RIMBP2: variants seen among roughly 807,000 people sequenced by gnomAD.
RIMBP2 encodes RIMS-binding protein 2.
Under a neutral mutation model 118.6 loss-of-function variants are expected in RIMBP2, and 48 were observed. The observed-to-expected ratio is 0.40, with a 90% CI of 0.32 to 0.51. The LOEUF is 0.51. Among genes scored for constraint, RIMBP2 ranks in the 20% least tolerant of loss-of-function variants. The pLI is 0.41. For synonymous variants in RIMBP2, 762 were observed against 742.9 expected (o/e 1.03, Z -0.42); for missense variants, 1,551 against 1,768.3 (o/e 0.88, Z 2.20).
In RIMBP2 at chr12:130,525,400, G is replaced by C. The variant is rs1306670394; in HGVS notation, c.-216-7483C>G. 1.3e-5 allele frequency among the ~76,000 whole-genome samples: 2 copies of C among 152,124 alleles called. No homozygotes were observed. Among genetic ancestry groups the C allele is most frequent in the East Asian group, 3.9e-4 (2 of 5,182 alleles). The stretch of plus-strand genomic sequence containing the variant: ...AAGAGGGAGGAGATGCTTTTTTGCA[G>C]AGTGCTGGGTGAGAAGAGGCGCAGA... On this transcript the variant is annotated intron_variant, in intron 2 of 22. Transcript: ENST00000690449. The surrounding 1 kb of genome is among the most constrained non-coding windows in gnomAD (Gnocchi z 4.4).
chr12:130,672,509 A>G (rs561182287), intron 1 of RIMBP2, among the ~76,000 whole-genome samples: 2 of 152,300 alleles, frequency 1.3e-5, no homozygotes, highest in South Asian at 2.1e-4. Flanking sequence ...GTCTCCCAGA[A>G]CAGTATCTCC....
intron 2 of RIMBP2, among the ~76,000 whole-genome samples, chr12:130,538,197 T>C (rs1224274385): frequency 6.6e-6 from 1 of 152,048 alleles, no homozygotes; most frequent in Admixed American, 6.6e-5. Context: ...TTAGGACATT[T>C]AAAAAATAGA....
chr12:130,701,071 G>T (rs2065833387), intron 1 of RIMBP2, among the ~76,000 whole-genome samples: 1 of 152,226 alleles, frequency 6.6e-6, no homozygotes, highest in African/African-American at 2.4e-5. Context: ...ACACTGAGAA[G>T]GGCTAAAACA....
At chr12:130,692,989 C>A (rs562528759) in intron 1 of RIMBP2, among the ~76,000 whole-genome samples, 3 of 151,938 alleles carry the variant, frequency 2.0e-5, no homozygotes, top group African/African-American at 4.8e-5. Flanking sequence ...AATAGAATGG[C>A]AAACACATTT....
At chr12:130,585,047 GA>G (rs1422048425) in intron 2 of RIMBP2, among the ~76,000 whole-genome samples, 1 of 152,086 alleles carries the variant, frequency 6.6e-6, no homozygotes, top group Non-Finnish European at 1.5e-5. Flanking sequence ...ACCATGCCCA[GA>G]AATTTTTTTT....
chr12:130,536,516 T>C (rs2054099294), intron 2 of RIMBP2, among the ~76,000 whole-genome samples: 1 of 152,152 alleles, frequency 6.6e-6, no homozygotes, highest in South Asian at 2.1e-4. Flanking sequence ...TGCACGATAG[T>C]ATCTAGACTT....
intron 4 of RIMBP2, among the ~76,000 whole-genome samples, chr12:130,484,543 G>A (rs1042792196): frequency 2.6e-5 from 4 of 152,166 alleles, no homozygotes; most frequent in African/African-American, 9.7e-5. Context: ...CCTTCCCCTG[G>A]AACATGAGCA....
At chr12:130,610,660 A>C (rs2060480125) in intron 2 of RIMBP2, among the ~76,000 whole-genome samples, 1 of 138,204 alleles carries the variant, frequency 7.2e-6, no homozygotes. Context: ...TCCCGGGTTC[A>C]CGCCATTCTC....
chr12:130,422,275 A>T lies in RIMBP2; in HGVS notation c.3238+178T>A, dbSNP rs890709036. 5.9e-5 allele frequency among the ~76,000 whole-genome samples: 9 copies of T among 152,356 alleles called. No homozygotes were observed. The South Asian group carries it at 1.5e-3, about 25-fold the overall frequency. ...AGAAGGCCAATTTGATATTTCAAGA[A>T]TACTTACAAATAGCTTTCATTTATC... is the stretch of plus-strand genomic sequence containing the variant. On this transcript the variant is annotated intron_variant, in intron 17 of 22. Transcript: ENST00000690449. This position sits in a 1 kb window ranked among gnomAD's most constrained non-coding sequence, Gnocchi z 5.2.
chr12:130,490,592 A>G (rs1462588672), intron 4 of RIMBP2, among the ~76,000 whole-genome samples: 2 of 152,194 alleles, frequency 1.3e-5, no homozygotes, highest in African/African-American at 2.4e-5. Flanking sequence ...AAGAGTTATA[A>G]CATCACGGGG....
chr12:130,571,507 C>T (rs1157086482), intron 2 of RIMBP2, among the ~76,000 whole-genome samples: 2 of 151,774 alleles, frequency 1.3e-5, no homozygotes, highest in Non-Finnish European at 2.9e-5. Context: ...GCAACCTCCG[C>T]CTCCCAGGTT....
At chr12:130,537,843 G>T (rs558714503) in intron 2 of RIMBP2, among the ~76,000 whole-genome samples, 5 of 152,184 alleles carry the variant, frequency 3.3e-5, no homozygotes, top group Non-Finnish European at 7.3e-5. Context: ...CTATGTCAGC[G>T]CTCAGGTCTA....
intron 1 of RIMBP2, among the ~76,000 whole-genome samples, chr12:130,701,366 C>T (rs1169822612): frequency 2.0e-5 from 3 of 152,176 alleles, no homozygotes; most frequent in African/African-American, 7.2e-5. Context: ...ATAAAAGCTA[C>T]GTGGCACTTT....
At chr12:130,707,633 T>C (rs899125042) in intron 1 of RIMBP2, among the ~76,000 whole-genome samples, 3 of 152,054 alleles carry the variant, frequency 2.0e-5, no homozygotes, top group Admixed American at 1.3e-4. Context: ...AGAGTGGGCG[T>C]GGACTGAGCC....
Position 130,622,266 on chromosome 12 carries a change from T to C in RIMBP2, c.-217+6056A>G, listed in dbSNP as rs1399581821. Among the ~76,000 whole-genome samples, 1 of 152,126 alleles carries C rather than the reference T, an allele frequency of 6.6e-6. No homozygotes were observed. Among genetic ancestry groups the C allele is most frequent in the East Asian group, 1.9e-4 (1 of 5,170 alleles). On this transcript the variant is annotated intron_variant, in intron 2 of 22. Coordinates refer to ENST00000690449, the MANE Select transcript of RIMBP2 (RefSeq NM_001393629.1). This position sits in a 1 kb window ranked among gnomAD's most constrained non-coding sequence, Gnocchi z 8.5. ...GCCCCCACAAGGCTGCATAGGAGGT[T>C]CCGGGGAACAGAGTCCCCAAACATC...
Position 130,419,445 on chromosome 12 carries a change from T to C in RIMBP2, c.3238+3008A>G, listed in dbSNP as rs1190433196. ...CAGGAGAGAGGTTTCCCTCACTACC[T>C]GGCCCAGACCGACTGCCCTCACTGC... On this transcript the variant is annotated intron_variant, in intron 17 of 22. Transcript: ENST00000690449. This position sits in a 1 kb window ranked among gnomAD's most constrained non-coding sequence, Gnocchi z 4.3. The C allele has an allele frequency of 6.6e-6, 1 of 152,282 alleles. No homozygotes were observed. The highest frequency in any genetic ancestry group is 1.5e-5 in the Non-Finnish European group (1 of 68,064). 9.4% of individuals were successfully genotyped at this position (152,282 alleles called of 1,614,324 possible). A position where few individuals can be genotyped will look rare whatever the true frequency, so the allele number is the denominator to read the frequency against.
At chr12:130,414,987 G>A (rs2076017046) in intron 17 of RIMBP2, among the ~76,000 whole-genome samples, 1 of 152,086 alleles carries the variant, frequency 6.6e-6, no homozygotes, top group Non-Finnish European at 1.5e-5. Flanking sequence ...AAGAAGAGCT[G>A]GTACCAATTC....
intron 6 of RIMBP2, among the ~76,000 whole-genome samples, chr12:130,460,377 T>G (rs1184851007): frequency 6.6e-6 from 1 of 152,188 alleles, no homozygotes; most frequent in African/African-American, 2.4e-5. Flanking sequence ...TGAGCAGTAC[T>G]AGTATCAGTA....
chr12:130,470,242 T>A (rs2080884006), intron 6 of RIMBP2: 1 of 154,760 alleles, frequency 6.5e-6, no homozygotes, highest in Non-Finnish European at 1.4e-5. Context: ...TACAAATGCC[T>A]CCCCAGGATG....
Sources: allele counts gnomAD v4.1 joint callset (sites outside exome capture counted in the v4.1 genomes callset), GRCh38; gene constraint gnomAD v4.1.1; non-coding constraint Gnocchi (gnomAD v3.1); transcripts MANE v1.5; gene names NCBI Gene and HGNC (gene_info 2026-07-23, HGNC 2026-07-21).